The following PCSK6 variants were observed in gnomAD, a reference collection of about 807,000 sequenced individuals.
The protein encoded by PCSK6 is proprotein convertase subtilisin/kexin type 6.
A neutral mutation model predicts 123.3 loss-of-function variants in PCSK6; 85 were observed. That is an observed-to-expected ratio of 0.69 (90% CI 0.58 to 0.83). The LOEUF is 0.83. Among genes scored for constraint, PCSK6 ranks in the 40% least tolerant of loss-of-function variants. The pLI, the probability that PCSK6 is intolerant of heterozygous loss-of-function variation, is 0.00. For synonymous variants in PCSK6, 508 were observed against 516.0 expected, an observed-to-expected ratio of 0.98 and a Z score of 0.21; for missense variants, 1,191 against 1,282.3, an observed-to-expected ratio of 0.93 and a Z score of 1.09.
chr15:101,447,710 T>G (rs1332588423), intron 1 of PCSK6, among the ~76,000 whole-genome samples: 1 of 152,262 alleles, frequency 6.6e-6, no homozygotes, highest in Non-Finnish European at 1.5e-5. Flanking sequence ...CAGGTGTTCC[T>G]CCCTGCTCAG....
chr15:101,305,222 T>C lies in PCSK6; in HGVS notation c.*36A>G, dbSNP rs761646944. 6.6e-7 allele frequency: 1 copy of C among 1,523,480 alleles called. No homozygotes were observed. The highest frequency in any genetic ancestry group is 9.0e-7 in the Non-Finnish European group (1 of 1,109,420). The allele number at this position is 1,523,480 out of a possible 1,614,324, so 94.4% of individuals were successfully genotyped here. ...GGAGGAAGGTGGACGGATGGATGGA[T>C]GGGAGTGCCTGCCCTCTGTGGGCAG... is the stretch of plus-strand genomic sequence containing the variant. On this transcript the variant is annotated 3_prime_UTR_variant, in exon 22 of 22. Transcript: ENST00000611716. The surrounding 1 kb of genome is among the most constrained non-coding windows in gnomAD (Gnocchi z 4.8).
intron 15 of PCSK6, 120 bp from the exon 16 acceptor site, chr15:101,326,599 C>T (rs2040259631): frequency 1.4e-5 from 13 of 954,508 alleles, no homozygotes; most frequent in Admixed American, 2.3e-5. Flanking sequence ...TCCCAGGCCC[C>T]GCTGGGGCTG....
At chr15:101,330,073 G>A (rs1164159211) in intron 15 of PCSK6, among the ~76,000 whole-genome samples, 1 of 152,212 alleles carries the variant, frequency 6.6e-6, no homozygotes, top group African/African-American at 2.4e-5. Context: ...CCTGCACTTT[G>A]GCCACCAGAC....
chr15:101,403,694 T>C (rs1260798106), intron 6 of PCSK6, among the ~76,000 whole-genome samples: 1 of 152,168 alleles, frequency 6.6e-6, no homozygotes, highest in Non-Finnish European at 1.5e-5. Context: ...ATTTTTGGAT[T>C]ATTCATGCCA....
At chr15:101,371,888 C>T (rs1475297006) in intron 11 of PCSK6, among the ~76,000 whole-genome samples, 2 of 152,206 alleles carry the variant, frequency 1.3e-5, no homozygotes, top group African/African-American at 2.4e-5. Flanking sequence ...CCTGCCCTGT[C>T]ATGGAAATGG....
chr15:101,362,702 A>T (rs922393380), intron 13 of PCSK6, among the ~76,000 whole-genome samples: 4 of 152,130 alleles, frequency 2.6e-5, no homozygotes, highest in Non-Finnish European at 5.9e-5. Flanking sequence ...CAACCCAGTA[A>T]CTTGCGTACT....
intron 6 of PCSK6, among the ~76,000 whole-genome samples, chr15:101,400,522 T>A (rs891450202): frequency 2.0e-5 from 3 of 152,194 alleles, no homozygotes; most frequent in African/African-American, 7.2e-5. Flanking sequence ...ATAGTGAAGT[T>A]TTCCCTGAGG....
rs368089871 is a variant in PCSK6 at position 101,361,592 on chromosome 15, C to A, written c.1858+4604G>T. 1.5e-4 allele frequency among the ~76,000 whole-genome samples: 23 copies of A among 152,126 alleles called. No homozygotes were observed. In the South Asian group the frequency reaches 4.8e-3, roughly 32 times the overall value. Reference sequence around the variant, plus strand: ...GACCAGGCATGTTAGGGGAACAGAACGGAGGTCAATGATGAGGCGCAGGAA... The same window carrying A: ...GACCAGGCATGTTAGGGGAACAGAAAGGAGGTCAATGATGAGGCGCAGGAA... On this transcript the variant is annotated intron_variant, in intron 13 of 21. Coordinates refer to ENST00000611716, the MANE Select transcript of PCSK6 (RefSeq NM_002570.5).
rs1417903109 is a variant in PCSK6, at chr15:101,489,662, C to G, written c.9G>C (p.Pro3=). 5 of 976,332 alleles carry G rather than the reference C, an allele frequency of 5.1e-6. No homozygotes were observed. The highest frequency in any genetic ancestry group is 6.1e-6 in the Non-Finnish European group (5 of 825,368). 60.5% of individuals were successfully genotyped at this position (976,332 alleles called of 1,614,324 possible). A position where few individuals can be genotyped will look rare whatever the true frequency, so the allele number is the denominator to read the frequency against. MP[P]RAPPAPGPRP... is the part of the protein sequence containing the mutation. ...GGGGCCCGGGCGCAGGCGGCGCGCG[C>G]GGAGGCATAGCGGCGACAGGCTCGC... The change falls in exon 1 of 22, where the codon CCG becomes CCC. Residue 3 remains proline, a synonymous_variant. Transcript: ENST00000611716.
intron 15 of PCSK6, among the ~76,000 whole-genome samples, chr15:101,328,418 C>T (rs1238254715): frequency 2.0e-5 from 3 of 152,172 alleles, no homozygotes; most frequent in Non-Finnish European, 4.4e-5. Context: ...AGATTCCTGG[C>T]ATTAGGCACA....
intron 1 of PCSK6, among the ~76,000 whole-genome samples, chr15:101,483,043 T>C (rs1444244192): frequency 6.6e-6 from 1 of 152,212 alleles, no homozygotes; most frequent in Non-Finnish European, 1.5e-5. Flanking sequence ...ACAACCCTCA[T>C]CTTGCCTCTG....
intron 6 of PCSK6, among the ~76,000 whole-genome samples, chr15:101,403,585 C>A (rs1019152396): frequency 2.0e-5 from 3 of 152,100 alleles, no homozygotes; most frequent in African/African-American, 7.2e-5. Context: ...TACCCATGAA[C>A]CCTGCAGCCC....
chr15:101,382,177 C>G lies in PCSK6; in HGVS notation c.1447G>C (p.Ala483Pro). Reference protein sequence around the residue: ...SHFYGFGLVDAEALVVEAKKW... With the variant: ...SHFYGFGLVDPEALVVEAKKW... ...TTTGCCTCCACAACGAGAGCTTCTG[C>G]GTCCACCAAACCAAATCCATAGAAA... The change falls in exon 11 of 22, where the codon GCA becomes CCA. Residue 483 changes from alanine to proline, a missense_variant. Physicochemically the swap from Ala to Pro is conservative, Grantham distance 27 (BLOSUM62 -1). Transcript: ENST00000611716. 2 of 1,612,672 alleles carry G rather than the reference C, an allele frequency of 1.2e-6. No individual in the cohort carries two copies. The highest frequency in any genetic ancestry group is 1.7e-6 in the Non-Finnish European group (2 of 1,179,452).
intron 8 of PCSK6, 112 bp downstream of exon 8, chr15:101,393,100 C>G (rs959477106): frequency 2.2e-6 from 2 of 920,464 alleles, no homozygotes; most frequent in Non-Finnish European, 3.5e-6. Context: ...CCCTGGGATC[C>G]GGAACAATCT....
At chr15:101,420,928 G>A (rs1415365910) in intron 6 of PCSK6, among the ~76,000 whole-genome samples, 4 of 152,110 alleles carry the variant, frequency 2.6e-5, no homozygotes, top group Non-Finnish European at 4.4e-5. Flanking sequence ...AGGGAAACTG[G>A]GGGTTGAAGG....
intron 13 of PCSK6, among the ~76,000 whole-genome samples, chr15:101,336,190 C>G (rs2040472743): frequency 6.6e-6 from 1 of 152,178 alleles, no homozygotes; most frequent in Non-Finnish European, 1.5e-5. Flanking sequence ...CCCCTGCTAG[C>G]AAATTACTTC....
Position 101,484,375 on chromosome 15 carries a change from G to A in PCSK6, c.297+4999C>T, listed in dbSNP as rs574334683. ...TTAATACAGTATTGCTTTGTGCTTT[G>A]TTTTTGCTTGTTTTTGTTTTTGTTT... On this transcript the variant is annotated intron_variant, in intron 1 of 21. Coordinates refer to ENST00000611716, the MANE Select transcript of PCSK6 (RefSeq NM_002570.5). 4.0e-4 allele frequency among the ~76,000 whole-genome samples: 61 copies of A among 152,142 alleles called. No homozygotes were observed. The South Asian group carries it at 7.7e-3, about 19-fold the overall frequency.
intron 13 of PCSK6, among the ~76,000 whole-genome samples, chr15:101,365,588 C>T (rs868556511): frequency 6.6e-6 from 1 of 151,968 alleles, no homozygotes; most frequent in Non-Finnish European, 1.5e-5. Context: ...AACATAGGTC[C>T]ACATAAAAAC....
At chr15:101,445,120 T>G (rs994913657) in intron 1 of PCSK6, among the ~76,000 whole-genome samples, 6 of 152,204 alleles carry the variant, frequency 3.9e-5, no homozygotes, top group African/African-American at 1.4e-4. Context: ...GAGGAATCAA[T>G]GGGAATCACC....
Sources: allele counts gnomAD v4.1 joint callset (sites outside exome capture counted in the v4.1 genomes callset), GRCh38; gene constraint gnomAD v4.1.1; non-coding constraint Gnocchi (gnomAD v3.1); transcripts MANE v1.5; gene names NCBI Gene and HGNC (gene_info 2026-07-23, HGNC 2026-07-21).